TDRD12: variants seen among roughly 807,000 people sequenced by gnomAD.
TDRD12 encodes the protein tudor domain containing 12.
Under a neutral mutation model 133.5 loss-of-function variants are expected in TDRD12, and 158 were observed. That is an observed-to-expected ratio of 1.18 (90% CI 1.04 to 1.35). The LOEUF (loss-of-function observed/expected upper bound fraction) is 1.35, where lower values mean the gene tolerates loss of function less well. TDRD12 is among the 40% of genes most tolerant of loss of function. The pLI, the probability that TDRD12 is intolerant of heterozygous loss-of-function variation, is 0.00. For missense variants in TDRD12, 1,443 were observed against 1,321.3 expected (o/e 1.09, Z -1.43); for synonymous variants, 460 against 477.9 (o/e 0.96, Z 0.49).
chr19:32,773,694 A>C (rs572593018), intron 10 of TDRD12, among the ~76,000 whole-genome samples, 162 bp downstream of exon 10: 1 of 152,230 alleles, frequency 6.6e-6, no homozygotes, highest in African/African-American at 2.4e-5. Context: ...TGAGACTCTT[A>C]TCTCTAAAAT....
In TDRD12 at chr19:32,803,186, C is replaced by T. The variant is rs1370457974; in HGVS notation, c.2552+44C>T. The T allele has an allele frequency of 3.0e-6, 4 of 1,330,252 alleles. No homozygotes were observed. In the African/African-American group the frequency reaches 5.9e-5, roughly 20 times the overall value. 82.4% of individuals were successfully genotyped at this position (1,330,252 alleles called of 1,614,324 possible). A position where few individuals can be genotyped will look rare whatever the true frequency, so the allele number is the denominator to read the frequency against. ...TCTTATTAAACTGATGTATAACCTGCAGTAAGGTGCACAGCTGTTGCAATG... is the reference window on the plus strand; with the variant it reads ...TCTTATTAAACTGATGTATAACCTGTAGTAAGGTGCACAGCTGTTGCAATG... On this transcript the variant is annotated intron_variant, in intron 21 of 27. Coordinates refer to ENST00000444215, the Ensembl canonical transcript of TDRD12.
At chr19:32,772,894 G>T in intron 9 of TDRD12, 44 bp downstream of exon 9, 1 of 1,153,562 alleles carries the variant, frequency 8.7e-7, no homozygotes. Flanking sequence ...TTCATATAGT[G>T]TTAATTTTCA....
intron 10 of TDRD12, among the ~76,000 whole-genome samples, chr19:32,775,269 T>C (rs1599568417): frequency 2.0e-5 from 3 of 152,202 alleles, no homozygotes; most frequent in Admixed American, 2.0e-4. Context: ...TGTCTGTACA[T>C]TCATTATCTT....
intron 11 of TDRD12, among the ~76,000 whole-genome samples, chr19:32,780,918 C>T (rs1266977058): frequency 6.7e-6 from 1 of 149,106 alleles, no homozygotes; most frequent in Non-Finnish European, 1.5e-5. Context: ...CCATGCCTGG[C>T]TCACTTCCCT....
chr19:32,720,171 C>T (rs1968582148), intron 1 of TDRD12, 75 bp downstream of exon 1: 6 of 1,459,388 alleles, frequency 4.1e-6, no homozygotes, highest in African/African-American at 1.5e-5. Flanking sequence ...CACAGCCTCC[C>T]ACCCCCACCC....
At chr19:32,795,106 G>T (rs1023204237) in intron 14 of TDRD12, among the ~76,000 whole-genome samples, 13 of 151,982 alleles carry the variant, frequency 8.6e-5, no homozygotes, top group African/African-American at 3.1e-4. Flanking sequence ...AGGCCGAGGC[G>T]AGTGGATCAT....
chr19:32,743,900 C>T (rs912893070), intron 4 of TDRD12, among the ~76,000 whole-genome samples: 3 of 151,670 alleles, frequency 2.0e-5, no homozygotes, highest in Admixed American at 6.6e-5. Flanking sequence ...TGGTGGTAGG[C>T]ATCTGTAATC....
At chr19:32,738,819 AT>A in intron 2 of TDRD12, 36 bp from the exon 3 acceptor site, 2 of 1,543,296 alleles carry the variant, frequency 1.3e-6, no homozygotes, top group Non-Finnish European at 1.7e-6. Context: ...TCTCAAAAAA[AT>A]AAATAAATAA....
chr19:32,789,519 C>T (rs147408818), intron 11 of TDRD12, among the ~76,000 whole-genome samples: 338 of 152,242 alleles, frequency 2.2e-3, no homozygotes, highest in African/African-American at 7.7e-3. Context: ...TGGGCTCATA[C>T]GGTGGGTGGG....
chr19:32,739,269 C>T (rs906901745), intron 3 of TDRD12, among the ~76,000 whole-genome samples: 1 of 152,054 alleles, frequency 6.6e-6, no homozygotes. Flanking sequence ...CTTTGCATCT[C>T]CTGGCTGCTC....
exon 22 of TDRD12, chr19:32,807,572 G>C: frequency 6.5e-7 from 1 of 1,534,482 alleles, no homozygotes; most frequent in Non-Finnish European, 8.7e-7. Context: ...TGTCCTGACC[G>C]ACACCGTATT....
intron 8 of TDRD12, among the ~76,000 whole-genome samples, chr19:32,763,800 C>T (rs1181807066): frequency 6.6e-6 from 1 of 152,180 alleles, no homozygotes; most frequent in African/African-American, 2.4e-5. Context: ...CCTCCTCACT[C>T]CTGGTCCCAT....
rs987704775 is a variant in TDRD12 at position 32,775,267 on chromosome 19, C to T, written c.1040+1735C>T. ...CAATGATTCTACTGATCTGTCTGTA[C>T]ATTCATTATCTTCTGTCATCCACAT... On this transcript the variant is annotated intron_variant, in intron 10 of 27. Coordinates refer to ENST00000444215, the Ensembl canonical transcript of TDRD12. Among the ~76,000 whole-genome samples the T allele has an allele frequency of 7.2e-4, 110 of 152,110 alleles. 2 individuals carry two copies. The highest frequency in any genetic ancestry group is 8.5e-4 in the Admixed American group (13 of 15,266).
intron 1 of TDRD12, among the ~76,000 whole-genome samples, chr19:32,721,346 C>T (rs928727525): frequency 1.3e-5 from 2 of 152,080 alleles, no homozygotes; most frequent in African/African-American, 4.8e-5. Context: ...AGGAGCTGGA[C>T]GTAGCAGATT....
chr19:32,826,886 G>T, intron 9 of TDRD12, 137 bp downstream of exon 32: 1 of 541,688 alleles, frequency 1.8e-6, no homozygotes, highest in Non-Finnish European at 2.8e-6. Context: ...TTTTCTCTTT[G>T]TTTATCTTGG....
At chr19:32,743,545 G>A (rs1367689708) in intron 4 of TDRD12, among the ~76,000 whole-genome samples, 5 of 152,092 alleles carry the variant, frequency 3.3e-5, no homozygotes, top group Admixed American at 6.5e-5. Context: ...ACTGTGCTGG[G>A]CCCATGGAGC....
At chr19:32,803,039 C>G in exon 21 of TDRD12, 3 of 1,535,924 alleles carry the variant, frequency 2.0e-6, no homozygotes, top group Non-Finnish European at 8.7e-7. Context: ...CGCCAAGGTC[C>G]CCGCAGAGCT....
intron 2 of TDRD12, among the ~76,000 whole-genome samples, chr19:32,737,411 G>A (rs1160496756): frequency 6.6e-6 from 1 of 152,080 alleles, no homozygotes; most frequent in Non-Finnish European, 1.5e-5. Context: ...TTCCATGTTG[G>A]TCAGGCTGCT....
At chr19:32,770,187 A>G (rs1970407078) in intron 8 of TDRD12, among the ~76,000 whole-genome samples, 1 of 151,808 alleles carries the variant, frequency 6.6e-6, no homozygotes, top group African/African-American at 2.4e-5. Flanking sequence ...TTGTATTTTT[A>G]GTAGAGACAG....
Sources: gnomAD v4.1 joint callset for allele counts (sites outside exome capture counted in the v4.1 genomes callset) on GRCh38, gnomAD v4.1.1 for gene constraint, MANE v1.5 for transcripts, NCBI Gene and HGNC (gene_info 2026-07-23, HGNC 2026-07-21) for gene names.